The following CUBN variants were observed in gnomAD, a reference collection of about 807,000 sequenced individuals.
CUBN encodes 460 kDa receptor.
Under a neutral mutation model 405.3 loss-of-function variants are expected in CUBN, and 282 were observed. The ratio of observed to expected loss-of-function variants is 0.70; its 90% CI spans 0.63 to 0.77. The LOEUF (loss-of-function observed/expected upper bound fraction) is 0.77. CUBN is among the 30% of genes least tolerant of loss of function. CUBN has a pLI of 0.00. For synonymous variants in CUBN, 1,684 were observed against 1,617.0 expected (o/e 1.04, Z -0.99); for missense variants, 4,514 against 4,475.2 (o/e 1.01, Z -0.25).
chr10:17,023,090 A>G (rs1265697595), intron 27 of CUBN, among the ~76,000 whole-genome samples: 1 of 151,004 alleles, frequency 6.6e-6, no homozygotes, highest in East Asian at 2.0e-4. Flanking sequence ...ACGTGACTTA[A>G]AGAGATTTCT....
In CUBN at chr10:16,933,135, T is replaced by A. The variant is rs752413754; in HGVS notation, c.6076A>T (p.Ile2026Phe). Residue 2026 changes from isoleucine to phenylalanine, a missense_variant, in exon 40 of 67, where the codon ATT becomes TTT. Physicochemically the swap from Ile to Phe is conservative, Grantham distance 21. Transcript: ENST00000377833. ...TAGGCACACGTTCGGTGAGATTCAA[T>A]GTCCAGGGAAAGAATGTTGAGTTCC... is the stretch of plus-strand genomic sequence containing the variant. ...TVELNILSLD[I>F]ESHRTCAYDS... 33 of 1,614,094 alleles carry A rather than the reference T, an allele frequency of 2.0e-5. No individual in the cohort carries two copies. The highest frequency in any genetic ancestry group is 2.7e-5 in the Non-Finnish European group (32 of 1,180,006).
Position 16,915,177 on chromosome 10 carries a change from G to A in CUBN, c.7211-5C>T. The A allele has an allele frequency of 6.2e-7, 1 of 1,613,698 alleles. No homozygotes were observed. Among genetic ancestry groups the A allele is most frequent in the Non-Finnish European group, 8.5e-7 (1 of 1,179,986 alleles). On this transcript the variant is annotated splice_polypyrimidine_tract_variant and splice_region_variant and intron_variant, in intron 46 of 66. Transcript: ENST00000377833. ...AGTATCTGCCCAAGATGTTTCCTGT[G>A]AGAGACAAATAATTAAATATACATG...
intron 64 of CUBN, among the ~76,000 whole-genome samples, chr10:16,833,203 C>T (rs954647310): frequency 9.9e-5 from 15 of 152,174 alleles, no homozygotes; most frequent in Non-Finnish European, 1.6e-4. Context: ...ATCTTTCCTC[C>T]AGATCCCACT....
At chr10:16,837,465 T>C (rs1412678698) in intron 62 of CUBN, among the ~76,000 whole-genome samples, 1 of 152,188 alleles carries the variant, frequency 6.6e-6, no homozygotes, top group Non-Finnish European at 1.5e-5. Flanking sequence ...CTTCCCTTCA[T>C]TTATGAAAGA....
chr10:16,904,209 T>C, intron 50 of CUBN, 94 bp from the exon 51 acceptor site: 2 of 1,155,230 alleles, frequency 1.7e-6, no homozygotes, highest in Admixed American at 1.7e-5. Flanking sequence ...AGATATTCAT[T>C]GACACACACT....
At chr10:16,876,178 A>T (rs1840494159) in intron 57 of CUBN, among the ~76,000 whole-genome samples, 1 of 152,234 alleles carries the variant, frequency 6.6e-6, no homozygotes, top group Non-Finnish European at 1.5e-5. Flanking sequence ...AAATAGACTC[A>T]AGAAAGATGT....
chr10:17,080,882 A>G (rs1835951095), intron 17 of CUBN, among the ~76,000 whole-genome samples: 1 of 152,180 alleles, frequency 6.6e-6, no homozygotes, highest in Non-Finnish European at 1.5e-5. Flanking sequence ...ACAATTTAAA[A>G]GCTCTCTTCG....
At chr10:17,011,098 C>A (rs953233061) in intron 28 of CUBN, among the ~76,000 whole-genome samples, 4 of 152,196 alleles carry the variant, frequency 2.6e-5, no homozygotes, top group Non-Finnish European at 5.9e-5. Context: ...TTGAAATACA[C>A]CAATGAGCTC....
chr10:16,926,809 T>TTCTATCTA (rs72523233), intron 41 of CUBN, among the ~76,000 whole-genome samples: 6,468 of 41,630 alleles, frequency 0.16, 148 homozygotes, highest in East Asian at 0.18. Context: ...AAATTTTTTT[T>TTCTATCTA]TCTATCTATC....
Position 16,925,697 on chromosome 10 carries a change from T to C in CUBN, c.6349A>G (p.Asn2117Asp). 1 of 1,613,962 alleles carries C rather than the reference T, an allele frequency of 6.2e-7. No individual in the cohort carries two copies. Among genetic ancestry groups the C allele is most frequent in the Non-Finnish European group, 8.5e-7 (1 of 1,179,930 alleles). Residue 2117 changes from asparagine to aspartate, a missense_variant, in exon 42 of 67, where the codon AAC (asparagine) becomes GAC (aspartate). Physicochemically the swap from Asn to Asp is conservative, Grantham distance 23. This residue lies in a region of CUBN where 1,613 missense variants were observed against 1,542.8 expected (regional missense o/e 1.05). Coordinates refer to ENST00000377833, the MANE Select transcript of CUBN (RefSeq NM_001081.4). ...KYPETYPSNL[N>D]CSWHVLVQSG... Reference sequence around the variant, plus strand: ...TGGACCAGGACGTGCCAAGAACAGTTGAGGTTGGATGGGTAAGTCTCTGGA... The same window carrying C: ...TGGACCAGGACGTGCCAAGAACAGTCGAGGTTGGATGGGTAAGTCTCTGGA...
In CUBN at chr10:16,990,531, G is replaced by A. The variant is rs779680778; in HGVS notation, c.4169-16C>T. On this transcript the variant is annotated splice_polypyrimidine_tract_variant and intron_variant, in intron 28 of 66. Coordinates refer to ENST00000377833, the MANE Select transcript of CUBN (RefSeq NM_001081.4). ...CCACCACAACCTGTTAAAACAGAAA[G>A]GTTCAGTCAGTTCAAAGTGGGCAAC... The A allele has an allele frequency of 1.3e-5, 21 of 1,613,424 alleles. No individual in the cohort carries two copies. In the Admixed American group the frequency reaches 1.7e-4, roughly 13 times the overall value.
At chr10:17,110,057 G>T (rs1316516515) in intron 9 of CUBN, among the ~76,000 whole-genome samples, 3 of 152,162 alleles carry the variant, frequency 2.0e-5, no homozygotes, top group Non-Finnish European at 4.4e-5. Flanking sequence ...GTTCTTAGAG[G>T]TCAATTATTA....
chr10:16,978,943 C>T (rs935621546), intron 31 of CUBN, among the ~76,000 whole-genome samples: 3 of 152,118 alleles, frequency 2.0e-5, no homozygotes, highest in Non-Finnish European at 2.9e-5. Context: ...AAAACCCCAT[C>T]GTCGCAGCCC....
At chr10:16,943,559 T>C (rs1018657336) in intron 36 of CUBN, among the ~76,000 whole-genome samples, 1 of 152,152 alleles carries the variant, frequency 6.6e-6, no homozygotes, top group Non-Finnish European at 1.5e-5. Context: ...ATACGCAAAA[T>C]TGTTTTCTTC....
rs902007558 is a variant in CUBN, at chr10:16,897,125, T to C, written c.8598+1871A>G. Among the ~76,000 whole-genome samples, 4 of 152,352 alleles carry C rather than the reference T, an allele frequency of 2.6e-5. No individual in the cohort carries two copies. In the East Asian group the frequency reaches 7.7e-4, roughly 29 times the overall value. ...ACTACTTCAACATCCTTGTCATATA[T>C]TTCAACATCTGATTTATCTCACTGT... On this transcript the variant is annotated intron_variant, in intron 54 of 66. Coordinates refer to ENST00000377833, the MANE Select transcript of CUBN (RefSeq NM_001081.4).
Position 17,103,192 on chromosome 10 carries a change from C to A in CUBN, c.1463G>T (p.Arg488Met), listed in dbSNP as rs1186745511. The A allele has an allele frequency of 6.8e-6, 11 of 1,613,958 alleles. No homozygotes were observed. Among genetic ancestry groups the A allele is most frequent in the Non-Finnish European group, 9.3e-6 (11 of 1,179,880 alleles). ...LSGINGSFSYRSPDVGYVHDV... is the reference protein window; with the variant it reads ...LSGINGSFSYMSPDVGYVHDV... ...ATGAACATAACCAACATCCGGGCTC[C>A]TGTAGCTGAAGCTTCCATTTATTCC... Residue 488 changes from arginine (R) to methionine (M), a missense_variant, in exon 13 of 67, where the codon AGG (arginine) becomes ATG (methionine). Arg to Met is a moderately conservative substitution (Grantham distance 91). This residue lies in a region of CUBN where 1,448 missense variants were observed against 1,388.0 expected (regional missense o/e 1.04). Transcript: ENST00000377833.
chr10:17,088,597 A>G (rs1257062278), intron 14 of CUBN, among the ~76,000 whole-genome samples: 3 of 152,246 alleles, frequency 2.0e-5, no homozygotes, highest in Non-Finnish European at 4.4e-5. Context: ...TGCTGACACT[A>G]TTTAAACAGG....
chr10:17,050,575 G>A (rs1285693999), intron 22 of CUBN, among the ~76,000 whole-genome samples: 2 of 152,208 alleles, frequency 1.3e-5, no homozygotes, highest in Non-Finnish European at 2.9e-5. Context: ...AATACATAAG[G>A]TGAGACTTCA....
intron 58 of CUBN, among the ~76,000 whole-genome samples, chr10:16,872,147 G>A (rs1840374220): frequency 1.3e-5 from 2 of 152,044 alleles, no homozygotes; most frequent in South Asian, 4.1e-4. Flanking sequence ...GGCTAAGGTG[G>A]GAGAATCGCT....
Sources: gnomAD v4.1 joint callset for allele counts (sites outside exome capture counted in the v4.1 genomes callset) on GRCh38, gnomAD v4.1.1 for gene constraint, gnomAD v4.1.1 regional missense constraint, MANE v1.5 for transcripts, NCBI Gene and HGNC (gene_info 2026-07-23, HGNC 2026-07-21) for gene names.